Variants in ARID5B observed in about 807,000 individuals in gnomAD.
ARID5B encodes the protein AT-rich interaction domain 5B, also known as AT-rich interactive domain-containing protein 5B.
A neutral mutation model predicts 97.2 loss-of-function variants in ARID5B; 13 were observed. The observed-to-expected ratio is 0.13, with a 90% CI of 0.09 to 0.21. The LOEUF is 0.21. ARID5B is among the 10% of genes least tolerant of loss of function. The pLI, the probability that ARID5B is intolerant of heterozygous loss-of-function variation, is 1.00. For synonymous variants in ARID5B, 556 were observed against 570.3 expected (o/e 0.97, Z 0.36); for missense variants, 1,210 against 1,465.3 (o/e 0.83, Z 2.84).
At chr10:62,026,923 T>C (rs1186641748) in intron 4 of ARID5B, among the ~76,000 whole-genome samples, 1 of 152,306 alleles carries the variant, frequency 6.6e-6, no homozygotes, top group East Asian at 1.9e-4. Flanking sequence ...TATATTAAAA[T>C]AGGCAACTTC....
intron 7 of ARID5B, among the ~76,000 whole-genome samples, chr10:62,061,039 C>T (rs1589279263): frequency 6.6e-6 from 1 of 152,152 alleles, no homozygotes; most frequent in Admixed American, 6.5e-5. Flanking sequence ...GAATGAATGA[C>T]CACACAATCA....
chr10:61,953,017 C>T (rs1273237909), intron 3 of ARID5B, among the ~76,000 whole-genome samples: 20 of 151,606 alleles, frequency 1.3e-4, no homozygotes, highest in South Asian at 2.1e-4. Context: ...TTATTATTAT[C>T]GGCTTGTTTG....
intron 3 of ARID5B, among the ~76,000 whole-genome samples, chr10:61,955,161 G>A (rs2132815334): frequency 6.6e-6 from 1 of 152,294 alleles, no homozygotes; most frequent in East Asian, 1.9e-4. Flanking sequence ...AACAAAGACT[G>A]ACTTCTTGTT....
chr10:62,000,201 C>A lies in ARID5B; in HGVS notation c.613C>A (p.Gln205Lys). ...TAAGCCATCTTCCATTCTAACGGAC[C>A]AGTTTGCATTGGCCCTGGGGGGCAT... The part of the protein sequence containing the change: ...QDKPSSILTD[Q>K]FALALGGIAV... Residue 205 changes from glutamine to lysine, a missense_variant, in exon 4 of 10, where the codon CAG becomes AAG. Physicochemically the swap from Gln to Lys is moderately conservative, Grantham distance 53 (BLOSUM62 1). This residue lies in a region of ARID5B where 132 missense variants were observed against 156.7 expected (regional missense o/e 0.84). Transcript: ENST00000279873. The surrounding 1 kb of genome is among the most constrained non-coding windows in gnomAD (Gnocchi z 4.4). 1 of 1,614,080 alleles carries A rather than the reference C, an allele frequency of 6.2e-7. No homozygotes were observed. Among genetic ancestry groups the A allele is most frequent in the Non-Finnish European group, 8.5e-7 (1 of 1,179,944 alleles).
At chr10:62,025,967 A>AAT (rs1291531541) in intron 4 of ARID5B, among the ~76,000 whole-genome samples, 4 of 152,366 alleles carry the variant, frequency 2.6e-5, no homozygotes, top group African/African-American at 9.6e-5. Context: ...AGACCTTGCA[A>AAT]ATTCTGGCAC....
chr10:62,036,972 T>A (rs1347028861), intron 4 of ARID5B, among the ~76,000 whole-genome samples: 1 of 152,218 alleles, frequency 6.6e-6, no homozygotes, highest in Non-Finnish European at 1.5e-5. Context: ...TTTCACCAAC[T>A]CTTAGCAGTG....
intron 3 of ARID5B, among the ~76,000 whole-genome samples, chr10:61,951,626 T>C (rs1335325172): frequency 6.6e-6 from 1 of 152,214 alleles, no homozygotes; most frequent in East Asian, 1.9e-4. Flanking sequence ...TTACTACCAA[T>C]GTTATCCATG....
intron 3 of ARID5B, among the ~76,000 whole-genome samples, chr10:61,961,060 G>T (rs969463432): frequency 2.0e-5 from 3 of 152,196 alleles, no homozygotes; most frequent in African/African-American, 7.2e-5. Flanking sequence ...ATACATGGTA[G>T]CATTATTAAA....
At chr10:62,040,102 A>G (rs1371521253) in intron 4 of ARID5B, among the ~76,000 whole-genome samples, 1 of 152,194 alleles carries the variant, frequency 6.6e-6, no homozygotes, top group Non-Finnish European at 1.5e-5. Flanking sequence ...GTCATGAAAT[A>G]AATAATTAGC....
At chr10:61,925,937 T>G (rs1204150385) in intron 2 of ARID5B, among the ~76,000 whole-genome samples, 7 of 152,264 alleles carry the variant, frequency 4.6e-5, no homozygotes, top group African/African-American at 1.7e-4. Flanking sequence ...TGTGCCCGGA[T>G]GGATTTCCAA....
intron 4 of ARID5B, among the ~76,000 whole-genome samples, chr10:62,036,987 TTGG>T (rs1839573392): frequency 6.6e-6 from 1 of 152,234 alleles, no homozygotes; most frequent in East Asian, 1.9e-4. Flanking sequence ...GCAGTGATCT[TTGG>T]TTCCAGATTC....
intron 4 of ARID5B, among the ~76,000 whole-genome samples, chr10:62,040,345 A>G (rs1049998416): frequency 1.3e-5 from 2 of 152,008 alleles, no homozygotes; most frequent in Non-Finnish European, 2.9e-5. Context: ...AACATTATAT[A>G]TATATATATG....
In ARID5B at chr10:62,096,874, T is replaced by C. The variant is rs368181148; in HGVS notation, c.*3844T>C. 5 of 233,502 alleles carry C rather than the reference T, an allele frequency of 2.1e-5. No individual in the cohort carries two copies. The highest frequency in any genetic ancestry group is 3.6e-4 in the South Asian group (2 of 5,524). 14.5% of individuals were successfully genotyped at this position (233,502 alleles called of 1,614,324 possible). On this transcript the variant is annotated 3_prime_UTR_variant, in exon 10 of 10. Transcript: ENST00000279873. ...ACGTGCCAATAGTTTCCCAATCACA[T>C]AGCAGGCAAGAGATATTTTGTACTT...
chr10:62,073,206 C>T (rs1048833742), intron 8 of ARID5B, among the ~76,000 whole-genome samples: 1 of 152,190 alleles, frequency 6.6e-6, no homozygotes, highest in Non-Finnish European at 1.5e-5. Context: ...GAGAACTGCT[C>T]TTTTTCCTAT....
intron 3 of ARID5B, among the ~76,000 whole-genome samples, chr10:61,993,363 A>G (rs753943027): frequency 9.2e-5 from 14 of 152,194 alleles, no homozygotes; most frequent in Non-Finnish European, 1.0e-4. Flanking sequence ...AACACTTTCA[A>G]CCAATTCAAG....
At chr10:61,989,390 A>C (rs1428145148) in intron 3 of ARID5B, among the ~76,000 whole-genome samples, 1 of 152,202 alleles carries the variant, frequency 6.6e-6, no homozygotes, top group Non-Finnish European at 1.5e-5. Context: ...ATGCTGCTCT[A>C]AAAGATTTTT....
At chr10:62,002,572 C>T (rs185003977) in intron 4 of ARID5B, among the ~76,000 whole-genome samples, 1 of 152,300 alleles carries the variant, frequency 6.6e-6, no homozygotes, top group African/African-American at 2.4e-5. Flanking sequence ...TCCCTCCCCA[C>T]CGTCCCACTT....
At position 62,000,196 on chromosome 10, in the gene ARID5B, C is replaced by T. The variant is rs747413904; in HGVS notation, c.608C>T (p.Thr203Met). 28 of 1,613,954 alleles carry T rather than the reference C, an allele frequency of 1.7e-5. No individual in the cohort carries two copies. The South Asian group carries it at 2.0e-4, about 11-fold the overall frequency. Residue 203 changes from threonine (T) to methionine (M), a missense_variant, in exon 4 of 10, where the codon ACG becomes ATG. By Grantham distance (81) the Thr-to-Met change is moderately conservative (BLOSUM62 -1). Transcript: ENST00000279873. This position sits in a 1 kb window ranked among gnomAD's most constrained non-coding sequence, Gnocchi z 4.4. ...RIQDKPSSIL[T>M]DQFALALGGI... ...CAGGATAAGCCATCTTCCATTCTAA[C>T]GGACCAGTTTGCATTGGCCCTGGGG...
intron 2 of ARID5B, among the ~76,000 whole-genome samples, chr10:61,902,679 GTGTGTGTGTGTGTGTGTGTGTGTA>G (rs1843636991): frequency 6.7e-6 from 1 of 148,240 alleles, no homozygotes; most frequent in African/African-American, 2.5e-5. Flanking sequence ...AAGGATGTGT[GTGTGTGTGTGTGTGTGTGTGTGTA>G]TGTGTGTGTG....
Sources: allele counts gnomAD v4.1 joint callset (sites outside exome capture counted in the v4.1 genomes callset), GRCh38; gene constraint gnomAD v4.1.1; regional missense constraint gnomAD v4.1.1; non-coding constraint Gnocchi (gnomAD v3.1); transcripts MANE v1.5; gene names NCBI Gene and HGNC (gene_info 2026-07-23, HGNC 2026-07-21).